Variants in UBR2 observed in about 807,000 individuals in gnomAD.
UBR2 encodes E3 ubiquitin-protein ligase UBR2.
UBR2 carries 92 observed loss-of-function variants against 247.9 expected under a neutral mutation model. That is an observed-to-expected ratio of 0.37 (90% CI 0.31 to 0.44). The LOEUF (loss-of-function observed/expected upper bound fraction) is 0.44, where lower values mean the gene tolerates loss of function less well. Among genes scored for constraint, UBR2 ranks in the 20% least tolerant of loss-of-function variants. UBR2 has a pLI of 1.00. For missense variants in UBR2, 1,613 were observed against 2,112.6 expected (o/e 0.76, Z 4.64); for synonymous variants, 672 against 693.5 (o/e 0.97, Z 0.49).
intron 2 of UBR2, among the ~76,000 whole-genome samples, chr6:42,585,154 A>G (rs1336962775): frequency 1.3e-5 from 2 of 152,226 alleles, no homozygotes; most frequent in Non-Finnish European, 1.5e-5. Flanking sequence ...TAAAAAAATC[A>G]TAAATGACTA....
chr6:42,606,251 A>G (rs1038286297), intron 6 of UBR2, among the ~76,000 whole-genome samples: 6 of 152,210 alleles, frequency 3.9e-5, no homozygotes, highest in African/African-American at 1.4e-4. Context: ...TCAAAAAAAA[A>G]AAAAATTTCA....
intron 17 of UBR2, among the ~76,000 whole-genome samples, 183 bp from the exon 18 acceptor site, chr6:42,642,233 C>T (rs1415706629): frequency 1.3e-5 from 2 of 152,146 alleles, no homozygotes; most frequent in African/African-American, 4.8e-5. Context: ...TGAACCATAT[C>T]ATGACCACTG....
At chr6:42,601,005 C>T (rs933763803) in intron 4 of UBR2, among the ~76,000 whole-genome samples, 1 of 152,158 alleles carries the variant, frequency 6.6e-6, no homozygotes, top group Non-Finnish European at 1.5e-5. Flanking sequence ...GACATCTCTA[C>T]CATGCCCTGG....
intron 4 of UBR2, among the ~76,000 whole-genome samples, chr6:42,600,425 G>T (rs1793285086): frequency 6.6e-6 from 1 of 151,900 alleles, no homozygotes; most frequent in South Asian, 2.1e-4. Flanking sequence ...CTATGAAAAG[G>T]GCAATCTGAG....
In UBR2 at chr6:42,616,083, T is replaced by G; in HGVS notation, c.1175T>G (p.Phe392Cys). The change falls in exon 10 of 47, where the codon TTT (phenylalanine) becomes TGT (cysteine). Residue 392 changes from phenylalanine to cysteine, a missense_variant. By Grantham distance (205) the Phe-to-Cys change is radical (BLOSUM62 -2). Around this residue, in one of 3 missense-constraint regions of UBR2, gnomAD observed 1,524 missense variants for 1,967.3 expected, o/e 0.77. Transcript: ENST00000372901. Reference protein sequence around the residue: ...LKYKKLFAVRFAKNYERLQSD... With the variant: ...LKYKKLFAVRCAKNYERLQSD... ...TACAAGAAACTATTTGCTGTTCGAT[T>G]TGCAAAAGTAAGTGGCTTTTCAATT... 6.2e-7 allele frequency: 1 copy of G among 1,604,894 alleles called. No homozygotes were observed. The highest frequency in any genetic ancestry group is 8.5e-7 in the Non-Finnish European group (1 of 1,177,784).
At chr6:42,620,481 G>GTTTTTTTTTTTTT (rs796314344) in intron 11 of UBR2, 3 of 66,606 alleles carry the variant, frequency 4.5e-5, no homozygotes, top group African/African-American at 1.1e-4. Flanking sequence ...ATTAAGTGTT[G>GTTTTTTTTTTTTT]TTTTTTTTTT....
At position 42,612,152 on chromosome 6, in the gene UBR2, C is replaced by A. The variant is rs1794132639; in HGVS notation, c.865-19C>A. ...TAGCTTTTTAAGTTAATTTTTAAAT[C>A]TTGCCATTTCTTTTTAAGAGAAATA... On this transcript the variant is annotated intron_variant, in intron 7 of 46. Transcript: ENST00000372901. 2.0e-6 allele frequency: 3 copies of A among 1,486,330 alleles called. No homozygotes were observed. The highest frequency in any genetic ancestry group is 2.7e-6 in the Non-Finnish European group (3 of 1,098,944). The allele number at this position is 1,486,330 out of a possible 1,614,324, so 92.1% of individuals were successfully genotyped here.
In UBR2 at chr6:42,592,126, T is replaced by C. The variant is rs763809202; in HGVS notation, c.339-25T>C. 3.5e-5 allele frequency: 55 copies of C among 1,584,712 alleles called. No individual in the cohort carries two copies. The South Asian group carries it at 5.7e-4, about 16-fold the overall frequency. ...AATATATAGTTATTTTCTGACACTT[T>C]GATTTTTTTTTTTTAACTTTACAGA... On this transcript the variant is annotated intron_variant, in intron 2 of 46. Coordinates refer to ENST00000372901, the MANE Select transcript of UBR2 (RefSeq NM_001363705.2).
At chr6:42,611,013 T>A (rs1484574122) in intron 7 of UBR2, among the ~76,000 whole-genome samples, 1 of 151,304 alleles carries the variant, frequency 6.6e-6, no homozygotes, top group Non-Finnish European at 1.5e-5. Context: ...GCTCGGCTAA[T>A]TTTTGTATTT....
intron 32 of UBR2, among the ~76,000 whole-genome samples, chr6:42,665,167 A>C (rs1271703987): frequency 6.6e-6 from 1 of 152,218 alleles, no homozygotes; most frequent in Non-Finnish European, 1.5e-5. Flanking sequence ...AAATTCTAGC[A>C]AATTCCAATA....
chr6:42,566,721 A>G (rs1186216747), intron 1 of UBR2, among the ~76,000 whole-genome samples: 5 of 118,918 alleles, frequency 4.2e-5, no homozygotes, highest in Non-Finnish European at 8.6e-5. Flanking sequence ...TTTCTGAACA[A>G]TAAGTTTTTT....
At chr6:42,642,175 C>G (rs1042425420) in intron 17 of UBR2, among the ~76,000 whole-genome samples, 2 of 152,144 alleles carry the variant, frequency 1.3e-5, no homozygotes, top group Admixed American at 6.5e-5. Context: ...TTCCTGAGAC[C>G]ACAACCTTTT....
chr6:42,652,117 G>A (rs764033587), intron 24 of UBR2, 46 bp downstream of exon 24: 1 of 1,513,084 alleles, frequency 6.6e-7, no homozygotes, highest in South Asian at 1.3e-5. Flanking sequence ...TTTTTTGCTT[G>A]TTAAACATTG....
rs1338743701 is a variant in UBR2, at chr6:42,659,977, C to T, written c.3442+122C>T. ...CCATGGACTTGGATGGTATCTTTGG[C>T]AGGTAACTTAGGCAGGAATTCCCCA... is the stretch of plus-strand genomic sequence containing the variant. On this transcript the variant is annotated intron_variant, in intron 30 of 46. Coordinates refer to ENST00000372901, the MANE Select transcript of UBR2 (RefSeq NM_001363705.2). This position sits in a 1 kb window ranked among gnomAD's most constrained non-coding sequence, Gnocchi z 4.3. 4 of 971,826 alleles carry T rather than the reference C, an allele frequency of 4.1e-6. No homozygotes were observed. The highest frequency in any genetic ancestry group is 4.5e-6 in the Non-Finnish European group (3 of 663,690). The allele number at this position is 971,826 out of a possible 1,614,324, so 60.2% of individuals were successfully genotyped here.
intron 11 of UBR2, among the ~76,000 whole-genome samples, chr6:42,632,297 T>TTTGAG (rs1795798263): frequency 6.6e-6 from 1 of 152,054 alleles, no homozygotes; most frequent in Non-Finnish European, 1.5e-5. Context: ...TGAATTTATC[T>TTTGAG]TTGAGTAATG....
At chr6:42,672,660 C>G (rs1445769996) in intron 36 of UBR2, among the ~76,000 whole-genome samples, 1 of 152,172 alleles carries the variant, frequency 6.6e-6, no homozygotes, top group Non-Finnish European at 1.5e-5. Flanking sequence ...TTTGCACATT[C>G]CATTTCCTCT....
chr6:42,586,417 T>C lies in UBR2; in HGVS notation c.339-5734T>C, dbSNP rs138794823. Among the ~76,000 whole-genome samples, 117 of 152,222 alleles carry C rather than the reference T, an allele frequency of 7.7e-4. No individual in the cohort carries two copies. The East Asian group carries it at 0.015, about 20-fold the overall frequency. ...CGGCAACATGGTCAGTCTTATTCCA[T>C]GTGCATTTGAAAAGAAGGTATATTT... On this transcript the variant is annotated intron_variant, in intron 2 of 46. Transcript: ENST00000372901.
rs139450403 is a variant in UBR2 at position 42,573,783 on chromosome 6, C to T, written c.128C>T (p.Ala43Val). ...ACTAGAGAAGTGTACCAGCATTTAG[C>T]CCACTATGTACCCAAAATCTACTGC... ...DLTREVYQHL[A>V]HYVPKIYCRG... The change falls in exon 2 of 47, where the codon GCC becomes GTC. Residue 43 changes from alanine (A) to valine (V), a missense_variant. This residue lies in a region of UBR2 where 1,524 missense variants were observed against 1,967.3 expected (regional missense o/e 0.77). Transcript: ENST00000372901. 10 of 1,609,980 alleles carry T rather than the reference C, an allele frequency of 6.2e-6. No homozygotes were observed. Among genetic ancestry groups the T allele is most frequent in the Non-Finnish European group, 8.5e-6 (10 of 1,177,730 alleles).
At chr6:42,571,522 C>T (rs1791139153) in intron 1 of UBR2, among the ~76,000 whole-genome samples, 1 of 151,928 alleles carries the variant, frequency 6.6e-6, no homozygotes, top group South Asian at 2.1e-4. Context: ...GTGGGCAGAT[C>T]ACCTGATGTC....
Sources: gnomAD v4.1 joint callset for allele counts (sites outside exome capture counted in the v4.1 genomes callset) on GRCh38, gnomAD v4.1.1 for gene constraint, gnomAD v4.1.1 regional missense constraint, Gnocchi (gnomAD v3.1) non-coding constraint, MANE v1.5 for transcripts, NCBI Gene and HGNC (gene_info 2026-07-23, HGNC 2026-07-21) for gene names.